The following PANX3 variants were observed in gnomAD, a reference collection of about 807,000 sequenced individuals.
PANX3 encodes pannexin 3, also known as pannexin-3.
PANX3 carries 18 observed loss-of-function variants against 31.5 expected under a neutral mutation model. The observed-to-expected ratio is 0.57, with a 90% CI of 0.39 to 0.85. The LOEUF (loss-of-function observed/expected upper bound fraction) is 0.85. PANX3 is among the 40% of genes least tolerant of loss of function. The pLI is 0.00. For missense variants in PANX3, 426 were observed against 485.4 expected (o/e 0.88, Z 1.15); for synonymous variants, 194 against 201.6 (o/e 0.96, Z 0.32).
At chr11:124,612,603 G>A (rs1322795585) in intron 1 of PANX3, among the ~76,000 whole-genome samples, 2 of 152,188 alleles carry the variant, frequency 1.3e-5, no homozygotes, top group African/African-American at 2.4e-5. Context: ...AGGCTCGGAA[G>A]CCCAGGCAAT....
chr11:124,613,157 C>A, intron 2 of PANX3, 35 bp downstream of exon 2: 1 of 1,604,598 alleles, frequency 6.2e-7, no homozygotes, highest in Non-Finnish European at 8.5e-7. Context: ...AGCTTCACGG[C>A]TGAGTGGAGT....
chr11:124,619,314 C>T lies in PANX3; in HGVS notation c.558C>T (p.Tyr186=). The T allele has an allele frequency of 1.2e-6, 2 of 1,613,362 alleles. No individual in the cohort carries two copies. The highest frequency in any genetic ancestry group is 1.3e-5 in the African/African-American group (1 of 75,040). Residue 186 remains tyrosine, a synonymous_variant, in exon 4 of 4, where the codon TAC becomes TAT. Transcript: ENST00000284288. ...NELEKARKER[Y]FEFPLLERYL... is the part of the protein sequence containing the mutation. ...TGCCCAGGGCTCGGAAAGAACGATACTTTGAATTCCCTTTGCTAGAGCGGT... is the reference window on the plus strand; with the variant it reads ...TGCCCAGGGCTCGGAAAGAACGATATTTTGAATTCCCTTTGCTAGAGCGGT...
rs1005063584 is a variant in PANX3 at position 124,619,653 on chromosome 11, A to C, written c.897A>C (p.Lys299Asn). Residue 299 changes from lysine to asparagine, a missense_variant, in exon 4 of 4, where the codon AAA becomes AAC. Coordinates refer to ENST00000284288, the MANE Select transcript of PANX3 (RefSeq NM_052959.3). Reference sequence around the variant, plus strand: ...TCACACGGCTATGTCGGTGGGACAAACGACTTTTATCTGTCTATGAGATGC... The same window carrying C: ...TCACACGGCTATGTCGGTGGGACAACCGACTTTTATCTGTCTATGAGATGC... ...YNLTRLCRWD[K>N]RLLSVYEMLP... 3 of 1,614,018 alleles carry C rather than the reference A, an allele frequency of 1.9e-6. No individual in the cohort carries two copies. The Admixed American group carries it at 5.0e-5, about 27-fold the overall frequency.
At chr11:124,611,807 A>G in intron 1 of PANX3, 70 bp downstream of exon 1, 1 of 1,513,804 alleles carries the variant, frequency 6.6e-7, no homozygotes, top group Non-Finnish European at 9.0e-7. Context: ...TGGGCTCTGA[A>G]GTGAGATGGT....
chr11:124,612,896 C>T, intron 1 of PANX3, 84 bp from the exon 2 acceptor site: 2 of 1,520,782 alleles, frequency 1.3e-6, no homozygotes, highest in South Asian at 1.2e-5. Flanking sequence ...GAAACAGAAA[C>T]TGGGGAAGAG....
chr11:124,617,476 A>G lies in PANX3; in HGVS notation c.527A>G (p.Asn176Ser). ...QKSSDPYVFWNELEKARKERY... is the reference protein window; with the variant it reads ...QKSSDPYVFWSELEKARKERY... ...AGTTCCGACCCCTATGTGTTCTGGAATGAGCTGGAGAAGTGAGTTGTCTCT... is the reference window on the plus strand; with the variant it reads ...AGTTCCGACCCCTATGTGTTCTGGAGTGAGCTGGAGAAGTGAGTTGTCTCT... The change falls in exon 3 of 4, where the codon AAT (asparagine) becomes AGT (serine). Residue 176 changes from asparagine (N) to serine (S), a missense_variant. Physicochemically the swap from Asn to Ser is conservative, Grantham distance 46. Transcript: ENST00000284288. 6.2e-7 allele frequency: 1 copy of G among 1,614,236 alleles called. No homozygotes were observed. The highest frequency in any genetic ancestry group is 8.5e-7 in the Non-Finnish European group (1 of 1,180,026).
At chr11:124,613,507 C>T (rs1176539384) in intron 2 of PANX3, among the ~76,000 whole-genome samples, 1 of 152,064 alleles carries the variant, frequency 6.6e-6, no homozygotes, top group Admixed American at 6.6e-5. Context: ...GGCTGCCAAC[C>T]CTCTAGGAAC....
intron 2 of PANX3, among the ~76,000 whole-genome samples, chr11:124,614,470 G>C (rs1863130117): frequency 6.6e-6 from 1 of 151,870 alleles, no homozygotes; most frequent in Admixed American, 6.6e-5. Context: ...GTTTCACCAT[G>C]TTGTCCAGGT....
rs962301427 is a variant in PANX3, at chr11:124,616,419, C to T, written c.325-855C>T. 1.3e-5 allele frequency among the ~76,000 whole-genome samples: 2 copies of T among 152,104 alleles called. No homozygotes were observed. Among genetic ancestry groups the T allele is most frequent in the African/African-American group, 4.8e-5 (2 of 41,394 alleles). ...TCAGTCATAATGAATTGGAAGCCCA[C>T]CCTATTCCAGTATGACCTCATTTTG... is the stretch of plus-strand genomic sequence containing the variant. On this transcript the variant is annotated intron_variant, in intron 2 of 3. Transcript: ENST00000284288. The surrounding 1 kb of genome is among the most constrained non-coding windows in gnomAD (Gnocchi z 4.8).
chr11:124,619,315 T>C lies in PANX3; in HGVS notation c.559T>C (p.Phe187Leu), dbSNP rs1863187973. 6.2e-7 allele frequency: 1 copy of C among 1,613,528 alleles called. No individual in the cohort carries two copies. ...GCCCAGGGCTCGGAAAGAACGATAC[T>C]TTGAATTCCCTTTGCTAGAGCGGTA... ...ELEKARKERYFEFPLLERYLA... is the reference protein window; with the variant it reads ...ELEKARKERYLEFPLLERYLA... Residue 187 changes from phenylalanine to leucine, a missense_variant, in exon 4 of 4, where the codon TTT (phenylalanine) becomes CTT (leucine). Phe to Leu is a conservative substitution (Grantham distance 22). Coordinates refer to ENST00000284288, the MANE Select transcript of PANX3 (RefSeq NM_052959.3).
chr11:124,619,197 C>A, intron 3 of PANX3, 99 bp from the exon 4 acceptor site: 2 of 1,275,324 alleles, frequency 1.6e-6, no homozygotes, highest in South Asian at 2.9e-5. Context: ...ACCAAGAATG[C>A]CATGTTGAAA....
At chr11:124,613,449 CA>C (rs1863117693) in intron 2 of PANX3, among the ~76,000 whole-genome samples, 1 of 152,036 alleles carries the variant, frequency 6.6e-6, no homozygotes, top group Admixed American at 6.6e-5. Context: ...AAGAGTCATT[CA>C]AACCTTAATT....
Position 124,617,483 on chromosome 11 carries a change from G to A in PANX3, c.534G>A (p.Leu178=), listed in dbSNP as rs942306280. 4.3e-6 allele frequency: 7 copies of A among 1,613,972 alleles called. No homozygotes were observed. Among genetic ancestry groups the A allele is most frequent in the South Asian group, 1.1e-5 (1 of 91,094 alleles). Reference sequence around the variant, plus strand: ...ACCCCTATGTGTTCTGGAATGAGCTGGAGAAGTGAGTTGTCTCTTCCACCT... The same window carrying A: ...ACCCCTATGTGTTCTGGAATGAGCTAGAGAAGTGAGTTGTCTCTTCCACCT... The part of the protein sequence containing the change: ...SSDPYVFWNE[L]EKARKERYFE... The change falls in exon 3 of 4, where the codon CTG becomes CTA. Residue 178 remains leucine, a synonymous_variant. Coordinates refer to ENST00000284288, the MANE Select transcript of PANX3 (RefSeq NM_052959.3).
rs753135453 is a variant in PANX3, at chr11:124,617,424, C to A, written c.475C>A (p.Gln159Lys). 5 of 1,614,246 alleles carry A rather than the reference C, an allele frequency of 3.1e-6. No homozygotes were observed. The highest frequency in any genetic ancestry group is 4.2e-6 in the Non-Finnish European group (5 of 1,180,052). The change falls in exon 3 of 4, where the codon CAG becomes AAG. Residue 159 changes from glutamine (Q) to lysine (K), a missense_variant. By Grantham distance (53) the Gln-to-Lys change is moderately conservative. Coordinates refer to ENST00000284288, the MANE Select transcript of PANX3 (RefSeq NM_052959.3). The stretch of plus-strand genomic sequence containing the variant: ...TTATAATCGCTCCATCCGCCTCGTG[C>A]AGCACATGCTGAAGATCCGGCAGAA... ...KSYNRSIRLVQHMLKIRQKSS... is the reference protein window; with the variant it reads ...KSYNRSIRLVKHMLKIRQKSS...
Position 124,612,598 on chromosome 11 carries a change from C to T in PANX3, c.182-382C>T, listed in dbSNP as rs150640254. Among the ~76,000 whole-genome samples the T allele has an allele frequency of 6.5e-3, 988 of 152,324 alleles. 4 individuals carry two copies. Among genetic ancestry groups the T allele is most frequent in the African/African-American group, 0.022 (928 of 41,568 alleles). Reference sequence around the variant, plus strand: ...CCCACCCTTTCTCTTCATTTAGGCTCGGAAGCCCAGGCAATTCATCCTCAA... The same window carrying T: ...CCCACCCTTTCTCTTCATTTAGGCTTGGAAGCCCAGGCAATTCATCCTCAA... On this transcript the variant is annotated intron_variant, in intron 1 of 3. Transcript: ENST00000284288.
At chr11:124,617,628 C>A in intron 3 of PANX3, 140 bp downstream of exon 3, 1 of 790,400 alleles carries the variant, frequency 1.3e-6, no homozygotes, top group East Asian at 2.6e-5. Context: ...CATTAACTTT[C>A]TATTGTTTCT....
intron 1 of PANX3, among the ~76,000 whole-genome samples, chr11:124,612,445 C>T (rs1461074468): frequency 1.3e-5 from 2 of 152,186 alleles, no homozygotes; most frequent in African/African-American, 4.8e-5. Context: ...AGCCTCCCAC[C>T]GCCTCTTTAT....
chr11:124,619,171 A>C, intron 3 of PANX3, 125 bp from the exon 4 acceptor site: 1 of 1,031,424 alleles, frequency 9.7e-7, no homozygotes, highest in Non-Finnish European at 1.4e-6. Flanking sequence ...GCTCGGGAAG[A>C]CAGATTTTCA....
chr11:124,617,443 G>A lies in PANX3; in HGVS notation c.494G>A (p.Arg165Gln), dbSNP rs558525394. The part of the protein sequence containing the change: ...IRLVQHMLKI[R>Q]QKSSDPYVFW... ...CTCGTGCAGCACATGCTGAAGATCC[G>A]GCAGAAGAGTTCCGACCCCTATGTG... The change falls in exon 3 of 4, where the codon CGG becomes CAG. Residue 165 changes from arginine (R) to glutamine (Q), a missense_variant. Coordinates refer to ENST00000284288, the MANE Select transcript of PANX3 (RefSeq NM_052959.3). The A allele has an allele frequency of 2.7e-5, 44 of 1,614,224 alleles. No homozygotes were observed. In the South Asian group the frequency reaches 2.7e-4, roughly 10 times the overall value.
Sources: allele counts gnomAD v4.1 joint callset (sites outside exome capture counted in the v4.1 genomes callset), GRCh38; gene constraint gnomAD v4.1.1; non-coding constraint Gnocchi (gnomAD v3.1); transcripts MANE v1.5; gene names NCBI Gene and HGNC (gene_info 2026-07-23, HGNC 2026-07-21).